The following TUT7 variants were observed in gnomAD, a reference collection of about 807,000 sequenced individuals.
TUT7 encodes terminal uridylyltransferase 7.
In TUT7, 33 loss-of-function variants were observed where a neutral mutation model predicts 165.9. The observed-to-expected ratio is 0.20, with a 90% CI of 0.15 to 0.27. The LOEUF (loss-of-function observed/expected upper bound fraction) is 0.27. TUT7 is among the 10% of genes least tolerant of loss of function. TUT7 has a pLI of 1.00. For missense variants in TUT7, 1,338 were observed against 1,762.3 expected (o/e 0.76, Z 4.31); for synonymous variants, 552 against 608.1 (o/e 0.91, Z 1.36).
At chr9:86,337,819 T>G (rs774485582) in intron 9 of TUT7, among the ~76,000 whole-genome samples, 6 of 152,232 alleles carry the variant, frequency 3.9e-5, no homozygotes, top group Non-Finnish European at 7.3e-5. Context: ...TTTTTTGATA[T>G]CCATGGTCAA....
chr9:86,312,510 G>A lies in TUT7; in HGVS notation c.3275-1701C>T, dbSNP rs559203701. On this transcript the variant is annotated intron_variant, in intron 17 of 26. Transcript: ENST00000375963. ...AGGTGGGGGGGTCAGTCCCCCGCCCGGCCAGCTGCCCCGTCTGGGAGGTGA... is the reference window on the plus strand; with the variant it reads ...AGGTGGGGGGGTCAGTCCCCCGCCCAGCCAGCTGCCCCGTCTGGGAGGTGA... 8.8e-3 allele frequency among the ~76,000 whole-genome samples: 1,318 copies of A among 150,248 alleles called. 26 individuals carry two copies. Among genetic ancestry groups the A allele is most frequent in the African/African-American group, 0.03 (1,232 of 40,740 alleles).
At chr9:86,288,895 G>C in intron 26 of TUT7, 151 bp from the exon 27 acceptor site, 1 of 593,404 alleles carries the variant, frequency 1.7e-6, no homozygotes, top group Non-Finnish European at 3.0e-6. Context: ...ACTTGATATT[G>C]AAAAGTATAT....
At chr9:86,300,798 T>C (rs1826812765) in intron 26 of TUT7, among the ~76,000 whole-genome samples, 1 of 152,248 alleles carries the variant, frequency 6.6e-6, no homozygotes, top group Admixed American at 6.5e-5. Context: ...CTCTGCAGAT[T>C]CACCCACTGC....
intron 13 of TUT7, 96 bp downstream of exon 13, chr9:86,322,776 CA>C: frequency 7.2e-7 from 1 of 1,384,084 alleles, no homozygotes. Flanking sequence ...TCAACACTAC[CA>C]AAATAGGAAA....
At chr9:86,318,276 C>T (rs1284417318) in intron 16 of TUT7, among the ~76,000 whole-genome samples, 1 of 152,112 alleles carries the variant, frequency 6.6e-6, no homozygotes, top group Non-Finnish European at 1.5e-5. Flanking sequence ...GCTTTGCACG[C>T]CATATGGTCT....
intron 2 of TUT7, among the ~76,000 whole-genome samples, chr9:86,351,696 C>T (rs961402899): frequency 6.6e-6 from 1 of 152,168 alleles, no homozygotes; most frequent in Non-Finnish European, 1.5e-5. Flanking sequence ...AGAGAAAAGG[C>T]ATCGGGTGAT....
rs1825682565 is a variant in TUT7 at position 86,288,484 on chromosome 9, T to C, written c.*193A>G. The C allele has an allele frequency of 4.8e-6, 2 of 417,826 alleles. No individual in the cohort carries two copies. The highest frequency in any genetic ancestry group is 8.6e-6 in the Non-Finnish European group (2 of 231,994). 25.9% of individuals were successfully genotyped at this position (417,826 alleles called of 1,614,324 possible). On this transcript the variant is annotated 3_prime_UTR_variant, in exon 27 of 27. Transcript: ENST00000375963. Reference sequence around the variant, plus strand: ...ATTAAAATCCTTAAATCTATGGGGATGTGTGGTAGATAAGACTATATTAAA... The same window carrying C: ...ATTAAAATCCTTAAATCTATGGGGACGTGTGGTAGATAAGACTATATTAAA...
chr9:86,309,908 A>T lies in TUT7; in HGVS notation c.3468+20T>A, dbSNP rs375373770. 7.5e-6 allele frequency: 12 copies of T among 1,597,650 alleles called. No individual in the cohort carries two copies. In the African/African-American group the frequency reaches 1.6e-4, roughly 22 times the overall value. On this transcript the variant is annotated intron_variant, in intron 19 of 26. Transcript: ENST00000375963. Reference sequence around the variant, plus strand: ...ATGCAATGAAATTTCCTGATAAGTCACAATAGGAAGCATACTCACCTTTGT... The same window carrying T: ...ATGCAATGAAATTTCCTGATAAGTCTCAATAGGAAGCATACTCACCTTTGT...
chr9:86,317,242 G>A lies in TUT7; in HGVS notation c.3251C>T (p.Ala1084Val), dbSNP rs2131396232. Residue 1084 changes from alanine to valine, a missense_variant, in exon 17 of 27, where the codon GCA (alanine) becomes GTA (valine). This residue lies in a region of TUT7 where 157 missense variants were observed against 357.5 expected (regional missense o/e 0.44). Coordinates refer to ENST00000375963, the MANE Select transcript of TUT7 (RefSeq NM_024617.4). ...LDCVRTIEELARVLRKHSGLR... is the reference protein window; with the variant it reads ...LDCVRTIEELVRVLRKHSGLR... ...ACCTGAATGTTTTCTGAGGACTCTT[G>A]CTAATTCTTCAATAGTTCTGACACA... 6.2e-7 allele frequency: 1 copy of A among 1,613,808 alleles called. No individual in the cohort carries two copies. Among genetic ancestry groups the A allele is most frequent in the South Asian group, 1.1e-5 (1 of 91,060 alleles).
intron 10 of TUT7, among the ~76,000 whole-genome samples, chr9:86,330,434 T>C (rs763210071): frequency 2.5e-4 from 38 of 152,344 alleles, no homozygotes; most frequent in African/African-American, 8.2e-4. Context: ...TAAAGATTTG[T>C]TGACAGACTG....
At position 86,323,699 on chromosome 9, in the gene TUT7, C is replaced by T; in HGVS notation, c.2051G>A (p.Ser684Asn). 1 of 1,614,074 alleles carries T rather than the reference C, an allele frequency of 6.2e-7. No individual in the cohort carries two copies. The change falls in exon 13 of 27, where the codon AGT becomes AAT. Residue 684 changes from serine (S) to asparagine (N), a missense_variant. This residue lies in a region of TUT7 where 425 missense variants were observed against 474.9 expected (regional missense o/e 0.89). Coordinates refer to ENST00000375963, the MANE Select transcript of TUT7 (RefSeq NM_024617.4). ...SVLAQGPGATSSAANTCKVQP... is the reference protein window; with the variant it reads ...SVLAQGPGATNSAANTCKVQP... The stretch of plus-strand genomic sequence containing the variant: ...TACCTTACAGGTATTTGCAGCTGAA[C>T]TGGTAGCACCAGGACCTTGGGCCAA...
At chr9:86,345,266 AT>A in intron 4 of TUT7, 112 bp from the exon 5 acceptor site, 2 of 991,258 alleles carry the variant, frequency 2.0e-6, no homozygotes, top group Non-Finnish European at 2.9e-6. Context: ...CTCCCTTCTC[AT>A]TTTAGCTGTG....
intron 2 of TUT7, 106 bp downstream of exon 2, chr9:86,352,574 G>GA (rs1832393277): frequency 1.5e-6 from 2 of 1,348,150 alleles, no homozygotes; most frequent in Non-Finnish European, 2.1e-6. Context: ...CAGAAACTGT[G>GA]AAAAACTGAA....
Position 86,323,181 on chromosome 9 carries a change from C to T in TUT7, c.2569G>A (p.Glu857Lys). The change falls in exon 13 of 27, where the codon GAA becomes AAA. Residue 857 changes from glutamate to lysine, a missense_variant. Around this residue, in one of 7 missense-constraint regions of TUT7, gnomAD observed 425 missense variants for 474.9 expected, o/e 0.89. Transcript: ENST00000375963. The part of the protein sequence containing the change: ...EEEDDEEEEE[E>K]EEPRLTINQR... ...TTAATGGTGAGCCTAGGTTCTTCTTCCTCCTCCTCTTCTTCGTCGTCCTCC... is the reference window on the plus strand; with the variant it reads ...TTAATGGTGAGCCTAGGTTCTTCTTTCTCCTCCTCTTCTTCGTCGTCCTCC... The T allele has an allele frequency of 6.2e-7, 1 of 1,614,116 alleles. No individual in the cohort carries two copies. Among genetic ancestry groups the T allele is most frequent in the Non-Finnish European group, 8.5e-7 (1 of 1,180,012 alleles).
intron 7 of TUT7, among the ~76,000 whole-genome samples, chr9:86,340,464 A>G (rs533447385): frequency 1.3e-5 from 2 of 152,356 alleles, no homozygotes; most frequent in East Asian, 3.9e-4. Context: ...GTATTGATCG[A>G]AGACAAAATT....
rs997587283 is a variant in TUT7 at position 86,311,909 on chromosome 9, C to A, written c.3275-1100G>T. Among the ~76,000 whole-genome samples, 20 of 152,174 alleles carry A rather than the reference C, an allele frequency of 1.3e-4. No individual in the cohort carries two copies. The highest frequency in any genetic ancestry group is 2.4e-4 in the Non-Finnish European group (16 of 68,042). ...GGTGCCGGGATTGCAGACGGAGTCT[C>A]GTTCACTCAGTGCTCAATGGTGCCC... On this transcript the variant is annotated intron_variant, in intron 17 of 26. Transcript: ENST00000375963. This position sits in a 1 kb window ranked among gnomAD's most constrained non-coding sequence, Gnocchi z 4.4.
chr9:86,345,199 T>G (rs1831649606), intron 4 of TUT7, 45 bp from the exon 5 acceptor site: 3 of 1,560,410 alleles, frequency 1.9e-6, no homozygotes, highest in South Asian at 2.4e-5. Context: ...TACACATAGT[T>G]TTGACCTTCT....
chr9:86,310,057 G>T, intron 18 of TUT7, 40 bp from the exon 19 acceptor site: 2 of 1,476,080 alleles, frequency 1.4e-6, no homozygotes, highest in African/African-American at 1.6e-5. Context: ...TAACAATGAA[G>T]TGTAAAGGGT....
chr9:86,313,186 T>C (rs1828386352), intron 17 of TUT7, among the ~76,000 whole-genome samples: 1 of 151,756 alleles, frequency 6.6e-6, no homozygotes, highest in African/African-American at 2.4e-5. Context: ...ATCCTTAGAA[T>C]CAAAGAGGAG....
Sources: gnomAD v4.1 joint callset for allele counts (sites outside exome capture counted in the v4.1 genomes callset) on GRCh38, gnomAD v4.1.1 for gene constraint, gnomAD v4.1.1 regional missense constraint, Gnocchi (gnomAD v3.1) non-coding constraint, MANE v1.5 for transcripts, NCBI Gene and HGNC (gene_info 2026-07-23, HGNC 2026-07-21) for gene names.